The following ARMH4 variants were observed in gnomAD, a reference collection of about 807,000 sequenced individuals.
The protein encoded by ARMH4 is armadillo like helical domain containing 4.
A neutral mutation model predicts 61.9 loss-of-function variants in ARMH4; 49 were observed. The ratio of observed to expected loss-of-function variants is 0.79; its 90% CI spans 0.63 to 1.00. The LOEUF is 1.00. ARMH4 is among the 50% of genes least tolerant of loss of function. The probability of loss-of-function intolerance (pLI) is 0.00; values close to 1 mark genes in which losing one functional copy is unlikely to be tolerated. For synonymous variants in ARMH4, 368 were observed against 341.5 expected, an observed-to-expected ratio of 1.08 and a Z score of -0.85; for missense variants, 934 against 930.0, an observed-to-expected ratio of 1.00 and a Z score of -0.06.
At chr14:58,089,251 A>G (rs906926221) in intron 5 of ARMH4, among the ~76,000 whole-genome samples, 5 of 152,224 alleles carry the variant, frequency 3.3e-5, no homozygotes, top group Non-Finnish European at 7.3e-5. Flanking sequence ...ATTTGTTGCA[A>G]TGAGGAGCTG....
chr14:58,005,833 A>G (rs1882152141), intron 6 of ARMH4, among the ~76,000 whole-genome samples: 1 of 152,230 alleles, frequency 6.6e-6, no homozygotes, highest in Non-Finnish European at 1.5e-5. Flanking sequence ...GAGAGTGTGC[A>G]CACAAAATGG....
At chr14:58,100,634 G>A (rs1885937440) in intron 4 of ARMH4, among the ~76,000 whole-genome samples, 1 of 152,134 alleles carries the variant, frequency 6.6e-6, no homozygotes, top group Admixed American at 6.5e-5. Flanking sequence ...AAAACTATCA[G>A]GAACCATTAA....
intron 5 of ARMH4, among the ~76,000 whole-genome samples, chr14:58,093,367 GT>G (rs1041942365): frequency 1.9e-4 from 29 of 152,158 alleles, no homozygotes; most frequent in African/African-American, 5.8e-4. Context: ...ACTTTCTGCA[GT>G]TTTTGTAGAG....
chr14:58,129,417 G>A (rs1410753698), intron 4 of ARMH4, among the ~76,000 whole-genome samples: 2 of 152,114 alleles, frequency 1.3e-5, no homozygotes, highest in East Asian at 1.9e-4. Context: ...AGTGAAAAAG[G>A]AAGATATTAA....
At chr14:58,046,099 T>C (rs1003083485) in intron 5 of ARMH4, among the ~76,000 whole-genome samples, 1 of 152,178 alleles carries the variant, frequency 6.6e-6, no homozygotes, top group African/African-American at 2.4e-5. Flanking sequence ...GGTCTTTTGT[T>C]ATGGCAGCCC....
chr14:58,135,563 G>C (rs1039014758), intron 2 of ARMH4, among the ~76,000 whole-genome samples: 4 of 152,050 alleles, frequency 2.6e-5, no homozygotes, highest in Admixed American at 6.5e-5. Flanking sequence ...GTGAGAACTA[G>C]AAATAGTAAT....
rs1426019310 is a variant in ARMH4, at chr14:58,139,085, TCGAG to T, written c.270_273del (p.Phe90LeufsTer55). 1 of 1,614,246 alleles carries T rather than the reference TCGAG, an allele frequency of 6.2e-7. No individual in the cohort carries two copies. Among genetic ancestry groups the T allele is most frequent in the Admixed American group, 1.7e-5 (1 of 60,028 alleles). Reference sequence around the variant, plus strand: ...TGTCCAGGCTGGGTTTCTTTGTTAATCGAGAATGCTTTATTTAATGATGTTGCCG... The same window carrying T: ...TGTCCAGGCTGGGTTTCTTTGTTAATAATGCTTTATTTAATGATGTTGCCG... On this transcript the variant is annotated frameshift_variant, in exon 2 of 8. Coordinates refer to ENST00000267485, the MANE Select transcript of ARMH4 (RefSeq NM_001001872.4). LOFTEE classifies it high-confidence loss of function.
chr14:58,039,151 A>C (rs552949592), intron 5 of ARMH4, among the ~76,000 whole-genome samples: 2 of 152,170 alleles, frequency 1.3e-5, no homozygotes, highest in Non-Finnish European at 2.9e-5. Flanking sequence ...CAGAACTCAC[A>C]AGCAGCCTGG....
intron 5 of ARMH4, among the ~76,000 whole-genome samples, chr14:58,067,453 G>C (rs1884740170): frequency 1.3e-5 from 2 of 152,152 alleles, no homozygotes; most frequent in African/African-American, 4.8e-5. Context: ...TCCTGGGAGA[G>C]ACTGGTGAAA....
In ARMH4 at chr14:58,012,122, G is replaced by C. The variant is rs781668450; in HGVS notation, c.2118C>G (p.Asp706Glu). Residue 706 changes from aspartate to glutamate, a missense_variant, in exon 6 of 8, where the codon GAC becomes GAG. Physicochemically the swap from Asp to Glu is conservative, Grantham distance 45. Coordinates refer to ENST00000267485, the MANE Select transcript of ARMH4 (RefSeq NM_001001872.4). ...LVRSWMEKLKDKAGYMSGMLV... is the reference protein window; with the variant it reads ...LVRSWMEKLKEKAGYMSGMLV... ...TGGAAGAAAATACTTTTCTTACCTT[G>C]TCTTTTAATTTTTCCATCCAGCTTC... 6.8e-7 allele frequency: 1 copy of C among 1,479,904 alleles called. No homozygotes were observed. The highest frequency in any genetic ancestry group is 1.2e-5 in the South Asian group (1 of 80,912). The allele number at this position is 1,479,904 out of a possible 1,614,324, so 91.7% of individuals were successfully genotyped here. A position where few individuals can be genotyped will look rare whatever the true frequency, so the allele number is the denominator to read the frequency against.
rs370580456 is a variant in ARMH4, at chr14:58,124,367, C to T, written c.1831+7145G>A. Among the ~76,000 whole-genome samples, 33 of 152,274 alleles carry T rather than the reference C, an allele frequency of 2.2e-4. No individual in the cohort carries two copies. In the East Asian group the frequency reaches 6.0e-3, roughly 28 times the overall value. On this transcript the variant is annotated intron_variant, in intron 4 of 7. Transcript: ENST00000267485. ...GACAAGCTTGCAACCCATGGCATAC[C>T]TGAGTAAGGAAATTGATGTAGTGGC...
At chr14:58,094,129 A>C (rs527966745) in intron 5 of ARMH4, among the ~76,000 whole-genome samples, 25 of 152,194 alleles carry the variant, frequency 1.6e-4, no homozygotes, top group African/African-American at 6.0e-4. Context: ...CAGGAGTTTG[A>C]GACCAGCCTA....
chr14:58,030,627 TC>T (rs893889018), intron 5 of ARMH4, among the ~76,000 whole-genome samples: 1 of 152,134 alleles, frequency 6.6e-6, no homozygotes, highest in African/African-American at 2.4e-5. Context: ...CTCTCCATTC[TC>T]CCCTCCTGCT....
At chr14:58,032,986 C>T (rs1312547040) in intron 5 of ARMH4, among the ~76,000 whole-genome samples, 3 of 142,762 alleles carry the variant, frequency 2.1e-5, no homozygotes, top group African/African-American at 2.6e-5. Context: ...GGGGCGCCCG[C>T]CATTGCCCAG....
At chr14:58,010,814 T>A (rs1243227639) in intron 6 of ARMH4, among the ~76,000 whole-genome samples, 1 of 144,690 alleles carries the variant, frequency 6.9e-6, no homozygotes, top group Non-Finnish European at 1.5e-5. Flanking sequence ...ACTGTTTACA[T>A]GACAAAATTT....
chr14:58,043,110 C>T (rs1204318149), intron 5 of ARMH4, among the ~76,000 whole-genome samples: 4 of 152,020 alleles, frequency 2.6e-5, no homozygotes, highest in Admixed American at 6.6e-5. Context: ...TTTATGAGGC[C>T]AGCATCATAC....
At chr14:58,032,980 C>A (rs1372668102) in intron 5 of ARMH4, among the ~76,000 whole-genome samples, 15 of 144,272 alleles carry the variant, frequency 1.0e-4, no homozygotes, top group South Asian at 2.4e-4. Context: ...GGGGGAGGGG[C>A]GCCCGCCATT....
intron 5 of ARMH4, among the ~76,000 whole-genome samples, chr14:58,091,394 C>G (rs7143935): frequency 0.42 from 64,313 of 152,006 alleles, 13,939 homozygotes; most frequent in Non-Finnish European, 0.47. Context: ...TTGTGTCACT[C>G]CTGACAACTG....
intron 5 of ARMH4, among the ~76,000 whole-genome samples, chr14:58,052,485 C>T (rs1219888165): frequency 6.6e-6 from 1 of 152,038 alleles, no homozygotes; most frequent in African/African-American, 2.4e-5. Flanking sequence ...CCGAGCTGTC[C>T]GTTTGTGTTG....
Sources: gnomAD v4.1 joint callset for allele counts (sites outside exome capture counted in the v4.1 genomes callset) on GRCh38, gnomAD v4.1.1 for gene constraint, MANE v1.5 for transcripts, NCBI Gene and HGNC (gene_info 2026-07-23, HGNC 2026-07-21) for gene names.